SAMD4A: variants seen among roughly 807,000 people sequenced by gnomAD.
The protein encoded by SAMD4A is sterile alpha motif domain containing 4A.
SAMD4A carries 33 observed loss-of-function variants against 81.3 expected under a neutral mutation model. That is an observed-to-expected ratio of 0.41 (90% CI 0.31 to 0.54). The LOEUF (loss-of-function observed/expected upper bound fraction) is 0.54, where lower values mean the gene tolerates loss of function less well. Among genes scored for constraint, SAMD4A ranks in the 20% least tolerant of loss-of-function variants. SAMD4A has a pLI of 0.37. For missense variants in SAMD4A, 854 were observed against 951.1 expected (o/e 0.90, Z 1.34); for synonymous variants, 389 against 382.1 (o/e 1.02, Z -0.21).
chr14:54,602,069 T>TGGG (rs2034067507), intron 2 of SAMD4A, among the ~76,000 whole-genome samples: 2 of 152,078 alleles, frequency 1.3e-5, no homozygotes, highest in African/African-American at 4.8e-5. Context: ...ACCAGAGACT[T>TGGG]CTTTTTTTCT....
chr14:54,760,814 T>C (rs764632166), intron 7 of SAMD4A, among the ~76,000 whole-genome samples: 11 of 152,144 alleles, frequency 7.2e-5, no homozygotes, highest in Non-Finnish European at 1.0e-4. Flanking sequence ...GGGAAGGACT[T>C]CGAAAAAGAT....
intron 4 of SAMD4A, among the ~76,000 whole-genome samples, chr14:54,742,140 C>T (rs566749082): frequency 2.8e-4 from 42 of 151,860 alleles, no homozygotes; most frequent in Non-Finnish European, 4.9e-4. Flanking sequence ...GGAAGTGGGA[C>T]CGATGCAAGC....
chr14:54,770,522 A>T (rs1050079408), intron 9 of SAMD4A, among the ~76,000 whole-genome samples: 1 of 152,276 alleles, frequency 6.6e-6, no homozygotes, highest in African/African-American at 2.4e-5. Context: ...AAATGCAGGC[A>T]AAACACAGGA....
intron 11 of SAMD4A, among the ~76,000 whole-genome samples, chr14:54,778,512 C>T (rs942518217): frequency 6.6e-6 from 1 of 152,208 alleles, no homozygotes; most frequent in African/African-American, 2.4e-5. Flanking sequence ...CTCCCCTCCC[C>T]TTCCTAGCCC....
intron 2 of SAMD4A, among the ~76,000 whole-genome samples, chr14:54,665,111 C>T (rs536286181): frequency 6.6e-6 from 1 of 152,190 alleles, no homozygotes; most frequent in Non-Finnish European, 1.5e-5. Context: ...GTGAGAGTGC[C>T]TGTAGATACT....
intron 2 of SAMD4A, among the ~76,000 whole-genome samples, chr14:54,651,472 AT>A (rs1470072020): frequency 6.6e-6 from 1 of 152,134 alleles, no homozygotes; most frequent in African/African-American, 2.4e-5. Flanking sequence ...CATTTAACAG[AT>A]TTGCTTCATG....
intron 11 of SAMD4A, among the ~76,000 whole-genome samples, chr14:54,777,404 G>GGGAAGGCAGAGTT (rs1330125551): frequency 1.3e-5 from 2 of 152,216 alleles, no homozygotes; most frequent in African/African-American, 4.8e-5. Flanking sequence ...GGTGGAGAGA[G>GGGAAGGCAGAGTT]GGAAGGCAGA....
At chr14:54,645,467 A>C (rs1231167486) in intron 2 of SAMD4A, among the ~76,000 whole-genome samples, 1 of 152,246 alleles carries the variant, frequency 6.6e-6, no homozygotes, top group Non-Finnish European at 1.5e-5. Context: ...TCGTTTCTCT[A>C]AATTATCTTA....
At chr14:54,741,641 A>G (rs568606161) in intron 4 of SAMD4A, among the ~76,000 whole-genome samples, 5 of 152,342 alleles carry the variant, frequency 3.3e-5, no homozygotes, top group South Asian at 2.1e-4. Context: ...TGCTATGAAA[A>G]TATGCTGTCT....
intron 3 of SAMD4A, among the ~76,000 whole-genome samples, chr14:54,719,002 CAAA>C (rs796869797): frequency 8.0e-6 from 1 of 125,384 alleles, no homozygotes; most frequent in Non-Finnish European, 1.7e-5. Flanking sequence ...AACTCCATCT[CAAA>C]AAAAAAAAAA....
chr14:54,654,531 A>G (rs963633553), intron 2 of SAMD4A, among the ~76,000 whole-genome samples: 5 of 152,216 alleles, frequency 3.3e-5, no homozygotes, highest in Non-Finnish European at 5.9e-5. Context: ...GAGGTTTAAC[A>G]TAGTGTTTAG....
chr14:54,715,772 T>G (rs2037103272), intron 3 of SAMD4A, among the ~76,000 whole-genome samples: 1 of 152,112 alleles, frequency 6.6e-6, no homozygotes, highest in Non-Finnish European at 1.5e-5. Context: ...TAATGCTAAA[T>G]AAGGGGTGAT....
chr14:54,619,038 G>A (rs28455122), intron 2 of SAMD4A, among the ~76,000 whole-genome samples: 16,669 of 152,092 alleles, frequency 0.11, 1,126 homozygotes, highest in African/African-American at 0.18. Flanking sequence ...CTTTAAAAAT[G>A]TTTTGAGGGT....
intron 3 of SAMD4A, among the ~76,000 whole-genome samples, chr14:54,730,125 A>T (rs561128396): frequency 9.6e-4 from 146 of 152,362 alleles, no homozygotes; most frequent in Non-Finnish European, 1.5e-3. Context: ...GAAGGCAGAA[A>T]CATACATCTT....
At position 54,639,990 on chromosome 14, in the gene SAMD4A, G is replaced by A. The variant is rs2035134445; in HGVS notation, c.197-62072G>A. 2.0e-5 allele frequency among the ~76,000 whole-genome samples: 3 copies of A among 151,472 alleles called. No homozygotes were observed. In the South Asian group the frequency reaches 6.3e-4, roughly 32 times the overall value. ...CTATGTCTGGCCAAAATGTCTGCTT[G>A]AATTGGCTAATTAAACCAAAATATC... On this transcript the variant is annotated intron_variant, in intron 2 of 12. Transcript: ENST00000554335.
chr14:54,628,549 G>A (rs2034820357), intron 2 of SAMD4A, among the ~76,000 whole-genome samples: 1 of 152,170 alleles, frequency 6.6e-6, no homozygotes. Context: ...AGCATGCTCT[G>A]TCCCCAAGAA....
chr14:54,785,670 C>T (rs2039122534), intron 12 of SAMD4A, among the ~76,000 whole-genome samples: 1 of 152,254 alleles, frequency 6.6e-6, no homozygotes, highest in African/African-American at 2.4e-5. Flanking sequence ...CTGCCATCCT[C>T]TGCTGCTTCA....
chr14:54,578,819 T>A (rs1220864347), intron 2 of SAMD4A, among the ~76,000 whole-genome samples: 2 of 152,238 alleles, frequency 1.3e-5, no homozygotes, highest in Non-Finnish European at 2.9e-5. Context: ...GAAATACACC[T>A]GTAGATTAAT....
At position 54,791,104 on chromosome 14, in the gene SAMD4A, C is replaced by T. The variant is rs1046880665; in HGVS notation, c.*2160C>T. On this transcript the variant is annotated 3_prime_UTR_variant, in exon 13 of 13. Transcript: ENST00000554335. ...AACCAAGTGCCATTAACATTCATCCCCCACATCCCTTTTCTAAACAAGCTT... is the reference window on the plus strand; with the variant it reads ...AACCAAGTGCCATTAACATTCATCCTCCACATCCCTTTTCTAAACAAGCTT... The T allele has an allele frequency of 6.6e-6, 1 of 152,194 alleles. No individual in the cohort carries two copies. Among genetic ancestry groups the T allele is most frequent in the African/African-American group, 2.4e-5 (1 of 41,440 alleles). The allele number at this position is 152,194 out of a possible 1,614,324, so 9.4% of individuals were successfully genotyped here. A position where few individuals can be genotyped will look rare whatever the true frequency, so the allele number is the denominator to read the frequency against.
Sources: gnomAD v4.1 joint callset for allele counts (sites outside exome capture counted in the v4.1 genomes callset) on GRCh38, gnomAD v4.1.1 for gene constraint, MANE v1.5 for transcripts, NCBI Gene and HGNC (gene_info 2026-07-23, HGNC 2026-07-21) for gene names.